The following GALNT13 variants were observed in gnomAD, a reference collection of about 807,000 sequenced individuals.
The protein encoded by GALNT13 is UDP-GalNAc:polypeptide N-acetylgalactosaminyltransferase 13.
In GALNT13, 28 loss-of-function variants were observed where a neutral mutation model predicts 64.2. The ratio of observed to expected loss-of-function variants is 0.44; its 90% CI spans 0.32 to 0.60. The LOEUF (loss-of-function observed/expected upper bound fraction) is 0.60, where lower values mean the gene tolerates loss of function less well. Among genes scored for constraint, GALNT13 ranks in the 20% least tolerant of loss-of-function variants. The pLI is 0.05. For missense variants in GALNT13, 577 were observed against 669.8 expected, an observed-to-expected ratio of 0.86 and a Z score of 1.53; for synonymous variants, 214 against 224.6, an observed-to-expected ratio of 0.95 and a Z score of 0.42.
chr2:153,258,648 G>GTTT, the GALNT13 span, among the ~76,000 whole-genome samples: 7 of 151,344 alleles, frequency 4.6e-5, no homozygotes, highest in African/African-American at 1.5e-4. Context: ...GATTTAATAT[G>GTTT]TTTTTTTTCC....
At chr2:154,351,340 A>T (rs184808101) in intron 9 of GALNT13, among the ~76,000 whole-genome samples, 3 of 152,150 alleles carry the variant, frequency 2.0e-5, no homozygotes, top group Admixed American at 1.3e-4. Flanking sequence ...CATCTTGTTG[A>T]TGTTTGCCGT....
At chr2:153,964,031 A>T (rs1028100489) in intron 3 of GALNT13, among the ~76,000 whole-genome samples, 1 of 151,964 alleles carries the variant, frequency 6.6e-6, no homozygotes, top group Non-Finnish European at 1.5e-5. Context: ...GATTTGATTT[A>T]ATTTTGGTGT....
the GALNT13 span, among the ~76,000 whole-genome samples, chr2:153,780,732 G>A: frequency 6.6e-6 from 1 of 152,096 alleles, no homozygotes; most frequent in African/African-American, 2.4e-5. Context: ...TATATGATAT[G>A]CCCAAAATAA....
the GALNT13 span, among the ~76,000 whole-genome samples, chr2:153,218,278 C>A: frequency 6.6e-6 from 1 of 152,150 alleles, no homozygotes; most frequent in Non-Finnish European, 1.5e-5. Context: ...GAGAAATTCT[C>A]TGTTGTTCTG....
chr2:153,722,483 C>CA, the GALNT13 span, among the ~76,000 whole-genome samples: 1 of 147,040 alleles, frequency 6.8e-6, no homozygotes, highest in South Asian at 2.2e-4. Flanking sequence ...GAAATAGAGA[C>CA]ACAAAAAACC....
At chr2:154,023,796 T>C (rs1248981535) in intron 3 of GALNT13, among the ~76,000 whole-genome samples, 3 of 152,250 alleles carry the variant, frequency 2.0e-5, no homozygotes, top group African/African-American at 7.2e-5. Context: ...GCCTTGATGG[T>C]CTTTACAATT....
the GALNT13 span, among the ~76,000 whole-genome samples, chr2:153,287,919 C>T: frequency 1.3e-5 from 2 of 152,164 alleles, no homozygotes; most frequent in Admixed American, 6.5e-5. Context: ...CCAGGGACCC[C>T]ACCTTTCTAT....
At chr2:153,381,396 C>G in the GALNT13 span, among the ~76,000 whole-genome samples, 1 of 152,014 alleles carries the variant, frequency 6.6e-6, no homozygotes, top group Non-Finnish European at 1.5e-5. Flanking sequence ...AGAAGAGAAC[C>G]AGGAATATTG....
intron 3 of GALNT13, among the ~76,000 whole-genome samples, chr2:154,017,986 T>C (rs1697121908): frequency 6.6e-6 from 1 of 152,198 alleles, no homozygotes; most frequent in South Asian, 2.1e-4. Context: ...TTGCTTACTT[T>C]TATGCCTCCA....
At chr2:154,084,412 T>C (rs1243389260) in intron 3 of GALNT13, among the ~76,000 whole-genome samples, 1 of 151,882 alleles carries the variant, frequency 6.6e-6, no homozygotes, top group Non-Finnish European at 1.5e-5. Context: ...TAAAATTCAA[T>C]TGTGAGCTGT....
At chr2:153,876,294 A>G (rs1279726537) in intron 1 of GALNT13, among the ~76,000 whole-genome samples, 1 of 151,976 alleles carries the variant, frequency 6.6e-6, no homozygotes, top group African/African-American at 2.4e-5. Context: ...AAGATCTGGC[A>G]CTGTCTGCTT....
At chr2:153,592,341 A>G in the GALNT13 span, among the ~76,000 whole-genome samples, 1 of 152,190 alleles carries the variant, frequency 6.6e-6, no homozygotes, top group Non-Finnish European at 1.5e-5. Flanking sequence ...CTTGTCTTCT[A>G]CTCAAAAGAA....
chr2:154,379,079 T>C lies in GALNT13; in HGVS notation c.1157-16912T>C, dbSNP rs1008756344. ...AGAATATGTGGCTAGAAATACATAA[T>C]GTGTGCTTAATAAATGATGCTAGCC... On this transcript the variant is annotated intron_variant, in intron 9 of 12. Transcript: ENST00000392825. 2.6e-5 allele frequency among the ~76,000 whole-genome samples: 4 copies of C among 152,224 alleles called. No individual in the cohort carries two copies. The East Asian group carries it at 7.7e-4, about 29-fold the overall frequency.
chr2:154,340,223 C>A (rs1695683322), intron 9 of GALNT13, among the ~76,000 whole-genome samples: 2 of 151,956 alleles, frequency 1.3e-5, no homozygotes, highest in Non-Finnish European at 2.9e-5. Flanking sequence ...TTGCATCTTC[C>A]TTAATCCTCT....
At chr2:153,521,887 T>G in the GALNT13 span, among the ~76,000 whole-genome samples, 1 of 152,204 alleles carries the variant, frequency 6.6e-6, no homozygotes, top group Non-Finnish European at 1.5e-5. Flanking sequence ...TCATTTCTTT[T>G]TAGTGCTGAA....
chr2:153,489,759 G>C, the GALNT13 span, among the ~76,000 whole-genome samples: 2 of 152,098 alleles, frequency 1.3e-5, no homozygotes. Flanking sequence ...AGGAACTATT[G>C]GTTCTCAAAC....
intron 8 of GALNT13, among the ~76,000 whole-genome samples, chr2:154,300,643 A>G (rs1693392001): frequency 1.3e-5 from 2 of 152,106 alleles, no homozygotes; most frequent in South Asian, 4.1e-4. Context: ...AGCTATGATT[A>G]TACAACATAA....
chr2:153,551,410 C>T, the GALNT13 span, among the ~76,000 whole-genome samples: 4 of 151,932 alleles, frequency 2.6e-5, no homozygotes, highest in Admixed American at 6.6e-5. Flanking sequence ...GTGAATAGAC[C>T]GTATGGAGAC....
At chr2:153,248,615 C>T in the GALNT13 span, among the ~76,000 whole-genome samples, 2 of 151,626 alleles carry the variant, frequency 1.3e-5, no homozygotes, top group African/African-American at 4.8e-5. Context: ...AGATGGCGAC[C>T]ATCCTGGCTA....
Sources: allele counts gnomAD v4.1 joint callset (sites outside exome capture counted in the v4.1 genomes callset), GRCh38; gene constraint gnomAD v4.1.1; transcripts MANE v1.5; gene names NCBI Gene and HGNC (gene_info 2026-07-23, HGNC 2026-07-21).